SNRPD1: variants seen among roughly 807,000 people sequenced by gnomAD.
SNRPD1 encodes small nuclear ribonucleoprotein Sm D1.
SNRPD1 carries 1 observed loss-of-function variant against 14.4 expected under a neutral mutation model. The ratio of observed to expected loss-of-function variants is 0.07; its 90% CI spans 0.02 to 0.33. SNRPD1 has a LOEUF of 0.33. SNRPD1 is among the 10% of genes least tolerant of loss of function. SNRPD1 has a pLI of 1.00. For synonymous variants in SNRPD1, 42 were observed against 50.3 expected (o/e 0.83, Z 0.70); for missense variants, 52 against 146.4 (o/e 0.36, Z 3.33).
intron 2 of SNRPD1, 47 bp from the exon 3 acceptor site, chr18:21,623,701 C>G: frequency 7.3e-7 from 1 of 1,375,048 alleles, no homozygotes; most frequent in Non-Finnish European, 1.0e-6. Context: ...AATTAGTTGC[C>G]TTAACTTGTA....
chr18:21,625,214 T>A (rs890847295), intron 3 of SNRPD1, among the ~76,000 whole-genome samples: 1 of 152,034 alleles, frequency 6.6e-6, no homozygotes, highest in African/African-American at 2.4e-5. Flanking sequence ...TCATATCATC[T>A]TACTCCACGC....
At chr18:21,622,201 G>A (rs966296816) in intron 1 of SNRPD1, among the ~76,000 whole-genome samples, 14 of 151,364 alleles carry the variant, frequency 9.2e-5, no homozygotes, top group Middle Eastern at 3.2e-3. Context: ...GTGCAGTGGC[G>A]TGATCTCGGC....
At chr18:21,619,553 G>A (rs1037123649) in intron 1 of SNRPD1, among the ~76,000 whole-genome samples, 1 of 151,730 alleles carries the variant, frequency 6.6e-6, no homozygotes, top group Non-Finnish European at 1.5e-5. Context: ...GGGAGGCCAA[G>A]GTGGGCAGAT....
In SNRPD1 at chr18:21,632,304, C is replaced by G. The variant is rs2039090048; in HGVS notation, c.*3166C>G. The G allele has an allele frequency of 6.6e-6, 1 of 151,946 alleles. No homozygotes were observed. The highest frequency in any genetic ancestry group is 1.5e-5 in the Non-Finnish European group (1 of 68,022). The allele number at this position is 151,946 out of a possible 1,614,324, so 9.4% of individuals were successfully genotyped here. ...GGTGAAACCCTGTCTACTGAAAATA[C>G]AAAAATTAGCTTGGTGTGGTGGCGG... is the stretch of plus-strand genomic sequence containing the variant. On this transcript the variant is annotated 3_prime_UTR_variant, in exon 4 of 4. Transcript: ENST00000300413.
At chr18:21,615,814 T>A (rs1168151750) in intron 1 of SNRPD1, among the ~76,000 whole-genome samples, 1 of 152,168 alleles carries the variant, frequency 6.6e-6, no homozygotes, top group Admixed American at 6.6e-5. Context: ...TTTAAGAAAT[T>A]TCCAGACCAT....
intron 1 of SNRPD1, among the ~76,000 whole-genome samples, chr18:21,622,348 G>A (rs939228519): frequency 3.9e-5 from 6 of 152,028 alleles, no homozygotes; most frequent in Non-Finnish European, 7.4e-5. Flanking sequence ...CACCATGTTA[G>A]CCAGGATGAT....
In SNRPD1 at chr18:21,612,401, C is replaced by G. The variant is rs755045207; in HGVS notation, c.-29C>G. 6.5e-7 allele frequency: 1 copy of G among 1,544,138 alleles called. No individual in the cohort carries two copies. On this transcript the variant is annotated 5_prime_UTR_variant, in exon 1 of 4. Transcript: ENST00000300413. ...TCGGTTGAAGGATTCTGTGTGCTGTCGGACCCAGAGGGTGACGGCGCCGCT... is the reference window on the plus strand; with the variant it reads ...TCGGTTGAAGGATTCTGTGTGCTGTGGGACCCAGAGGGTGACGGCGCCGCT...
chr18:21,619,144 A>C (rs2038978745), intron 1 of SNRPD1, among the ~76,000 whole-genome samples: 1 of 152,172 alleles, frequency 6.6e-6, no homozygotes, highest in African/African-American at 2.4e-5. Context: ...GAAGTGTCGT[A>C]ATGCCTACAA....
rs766940861 is a variant in SNRPD1, at chr18:21,612,393, T to C, written c.-37T>C. 1.2e-5 allele frequency: 19 copies of C among 1,531,754 alleles called. No individual in the cohort carries two copies. The Admixed American group carries it at 3.4e-4, about 27-fold the overall frequency. The allele number at this position is 1,531,754 out of a possible 1,614,324, so 94.9% of individuals were successfully genotyped here. On this transcript the variant is annotated 5_prime_UTR_variant, in exon 1 of 4. Coordinates refer to ENST00000300413, the MANE Select transcript of SNRPD1 (RefSeq NM_006938.4). ...GTCAGTGTTCGGTTGAAGGATTCTGTGTGCTGTCGGACCCAGAGGGTGACG... is the reference window on the plus strand; with the variant it reads ...GTCAGTGTTCGGTTGAAGGATTCTGCGTGCTGTCGGACCCAGAGGGTGACG...
rs2038926059 is a variant in SNRPD1 at position 21,612,515 on chromosome 18, C to T, written c.14+72C>T. 9.1e-6 allele frequency: 11 copies of T among 1,209,022 alleles called. No individual in the cohort carries two copies. In the South Asian group the frequency reaches 1.6e-4, roughly 17 times the overall value. 74.9% of individuals were successfully genotyped at this position (1,209,022 alleles called of 1,614,324 possible). ...GGCCCGGAGTCCGGAAGGCTGGGCT[C>T]TCCCATTTGCAGGAGGCGGGAAAGC... On this transcript the variant is annotated intron_variant, in intron 1 of 3. Transcript: ENST00000300413.
In SNRPD1 at chr18:21,612,438, C is replaced by T. The variant is rs139445414; in HGVS notation, c.9C>T (p.Leu3=). 77 of 1,552,018 alleles carry T rather than the reference C, an allele frequency of 5.0e-5. No homozygotes were observed. The highest frequency in any genetic ancestry group is 1.7e-4 in the Middle Eastern group (1 of 5,824). Residue 3 remains leucine, a synonymous_variant, in exon 1 of 4, where the codon CTC becomes CTT. Coordinates refer to ENST00000300413, the MANE Select transcript of SNRPD1 (RefSeq NM_006938.4). MK[L]VRFLMKLSHE... ...GTGACGGCGCCGCTAGGATGAAGCT[C>T]GTGAGGTGAGGGAGTGACCAAGCAG...
chr18:21,625,619 A>G (rs2039032159), intron 3 of SNRPD1, among the ~76,000 whole-genome samples: 1 of 150,242 alleles, frequency 6.7e-6, no homozygotes, highest in Admixed American at 6.6e-5. Context: ...CCCAGCCGAA[A>G]TCTTTTTTTG....
chr18:21,613,016 A>G (rs977094840), intron 1 of SNRPD1, among the ~76,000 whole-genome samples: 1 of 151,926 alleles, frequency 6.6e-6, no homozygotes, highest in Non-Finnish European at 1.5e-5. Context: ...TTTTAAGTTT[A>G]CCTTTTTATC....
At chr18:21,619,554 G>A (rs2038982432) in intron 1 of SNRPD1, among the ~76,000 whole-genome samples, 1 of 151,672 alleles carries the variant, frequency 6.6e-6, no homozygotes, top group Admixed American at 6.6e-5. Flanking sequence ...GGAGGCCAAG[G>A]TGGGCAGATC....
At chr18:21,625,681 G>T (rs921195945) in intron 3 of SNRPD1, among the ~76,000 whole-genome samples, 2 of 152,052 alleles carry the variant, frequency 1.3e-5, no homozygotes, top group African/African-American at 4.8e-5. Context: ...CGCGATCTCG[G>T]CTCACTGCAA....
rs556737795 is a variant in SNRPD1 at position 21,617,914 on chromosome 18, G to A, written c.15-4811G>A. 5.3e-5 allele frequency among the ~76,000 whole-genome samples: 8 copies of A among 152,288 alleles called. No individual in the cohort carries two copies. The East Asian group carries it at 1.5e-3, about 29-fold the overall frequency. ...GAATCTCTTGAACCCGGGAGACGGA[G>A]GTTGCAATGAGCTCAGATTGAGATT... On this transcript the variant is annotated intron_variant, in intron 1 of 3. Transcript: ENST00000300413.
In SNRPD1 at chr18:21,612,388, T is replaced by G; in HGVS notation, c.-42T>G. ...AGTCGGTCAGTGTTCGGTTGAAGGA[T>G]TCTGTGTGCTGTCGGACCCAGAGGG... On this transcript the variant is annotated 5_prime_UTR_variant, in exon 1 of 4. Coordinates refer to ENST00000300413, the MANE Select transcript of SNRPD1 (RefSeq NM_006938.4). 1.3e-6 allele frequency: 2 copies of G among 1,523,912 alleles called. No individual in the cohort carries two copies. Among genetic ancestry groups the G allele is most frequent in the Non-Finnish European group, 1.8e-6 (2 of 1,123,560 alleles). 94.4% of individuals were successfully genotyped at this position (1,523,912 alleles called of 1,614,324 possible). A position where few individuals can be genotyped will look rare whatever the true frequency, so the allele number is the denominator to read the frequency against.
At chr18:21,620,715 A>G (rs1031060228) in intron 1 of SNRPD1, among the ~76,000 whole-genome samples, 1 of 152,202 alleles carries the variant, frequency 6.6e-6, no homozygotes, top group African/African-American at 2.4e-5. Context: ...TCAAAACATA[A>G]AAGTGAAAAA....
chr18:21,620,930 G>C (rs1320423172), intron 1 of SNRPD1, among the ~76,000 whole-genome samples: 2 of 152,104 alleles, frequency 1.3e-5, no homozygotes, highest in African/African-American at 4.8e-5. Flanking sequence ...TTGGGAGGCC[G>C]AGGCGGGTGG....
Sources: gnomAD v4.1 joint callset for allele counts (sites outside exome capture counted in the v4.1 genomes callset) on GRCh38, gnomAD v4.1.1 for gene constraint, MANE v1.5 for transcripts, NCBI Gene and HGNC (gene_info 2026-07-23, HGNC 2026-07-21) for gene names.